SF3A3: variants seen among roughly 807,000 people sequenced by gnomAD.
SF3A3 encodes the protein splicing factor 3a subunit 3.
A neutral mutation model predicts 85.8 loss-of-function variants in SF3A3; 9 were observed. The observed-to-expected ratio is 0.10, with a 90% confidence interval of 0.06 to 0.18. The LOEUF (loss-of-function observed/expected upper bound fraction) is 0.18. SF3A3 is among the 10% of genes least tolerant of loss of function. SF3A3 has a pLI of 1.00. For synonymous variants in SF3A3, 195 were observed against 204.4 expected, an observed-to-expected ratio of 0.95 and a Z score of 0.39; for missense variants, 306 against 593.3, an observed-to-expected ratio of 0.52 and a Z score of 5.03.
intron 11 of SF3A3, among the ~76,000 whole-genome samples, chr1:37,977,677 A>G (rs1406507853): frequency 7.2e-5 from 11 of 152,032 alleles, no homozygotes; most frequent in African/African-American, 2.7e-4. Flanking sequence ...CGTCTCTACT[A>G]AAAATACAAA....
chr1:37,984,562 G>A (rs564232884), intron 5 of SF3A3, 145 bp downstream of exon 5: 2 of 671,298 alleles, frequency 3.0e-6, no homozygotes, highest in South Asian at 1.8e-5. Flanking sequence ...ACCAACTTAG[G>A]ATGTCACTCT....
intron 15 of SF3A3, among the ~76,000 whole-genome samples, chr1:37,964,441 CT>C (rs1646284703): frequency 6.6e-6 from 1 of 151,688 alleles, no homozygotes. Context: ...CCTGTCTCTA[CT>C]AAAAATACAA....
intron 9 of SF3A3, 78 bp downstream of exon 9, chr1:37,979,387 G>A (rs1216085777): frequency 2.8e-6 from 3 of 1,074,270 alleles, no homozygotes; most frequent in Non-Finnish European, 2.8e-6. Context: ...CACAACCATG[G>A]TATTAAAGAC....
intron 15 of SF3A3, among the ~76,000 whole-genome samples, chr1:37,963,847 C>T (rs1381097083): frequency 7.1e-6 from 1 of 141,020 alleles, no homozygotes; most frequent in Admixed American, 7.1e-5. Flanking sequence ...TGAGCCATTG[C>T]GCCTGGCCCT....
At chr1:37,965,302 CAA>C (rs55747818) in intron 15 of SF3A3, among the ~76,000 whole-genome samples, 1 of 100,426 alleles carries the variant, frequency 1.0e-5, no homozygotes, top group South Asian at 3.4e-4. Flanking sequence ...CCCATCGGCA[CAA>C]AAAAAAAAAA....
intron 15 of SF3A3, among the ~76,000 whole-genome samples, chr1:37,967,571 G>A (rs1013438668): frequency 4.8e-5 from 7 of 147,230 alleles, no homozygotes; most frequent in Non-Finnish European, 7.4e-5. Context: ...CCCAGCTACC[G>A]GGAGGCTGAG....
At chr1:37,963,424 T>C (rs1045438565) in intron 15 of SF3A3, among the ~76,000 whole-genome samples, 3 of 152,140 alleles carry the variant, frequency 2.0e-5, no homozygotes, top group Non-Finnish European at 1.5e-5. Context: ...GAAGCCATGA[T>C]GGGTAGAAAT....
At chr1:37,988,315 T>A (rs1439033910) in intron 2 of SF3A3, among the ~76,000 whole-genome samples, 2 of 152,192 alleles carry the variant, frequency 1.3e-5, no homozygotes, top group African/African-American at 4.8e-5. Flanking sequence ...AGGTACATAG[T>A]CCCTCCTCCA....
chr1:37,959,972 A>G (rs1336110094), intron 16 of SF3A3, 148 bp downstream of exon 16: 2 of 610,186 alleles, frequency 3.3e-6, no homozygotes, highest in Non-Finnish European at 5.7e-6. Context: ...AAAAAAAAAA[A>G]AAAAAAGGAA....
chr1:37,970,980 A>G (rs1646341256), intron 12 of SF3A3, among the ~76,000 whole-genome samples: 1 of 152,208 alleles, frequency 6.6e-6, no homozygotes, highest in African/African-American at 2.4e-5. Context: ...TTCAAAAGCT[A>G]GCAGAAGGCA....
chr1:37,967,726 G>T (rs1646312699), intron 15 of SF3A3, among the ~76,000 whole-genome samples: 1 of 144,434 alleles, frequency 6.9e-6, no homozygotes, highest in South Asian at 2.2e-4. Context: ...CAGGTGTGGT[G>T]GCACGTGCCT....
intron 9 of SF3A3, 42 bp from the exon 10 acceptor site, chr1:37,979,097 T>A: frequency 6.4e-7 from 1 of 1,564,298 alleles, no homozygotes; most frequent in South Asian, 1.1e-5. Flanking sequence ...CATTAACAGA[T>A]TTTTGGGAAA....
intron 16 of SF3A3, among the ~76,000 whole-genome samples, chr1:37,959,133 C>G (rs968793956): frequency 6.7e-6 from 1 of 149,472 alleles, no homozygotes; most frequent in Non-Finnish European, 1.5e-5. Context: ...GGCTGGAGTG[C>G]AATGGTGCGA....
chr1:37,964,313 G>T (rs1307401875), intron 15 of SF3A3, among the ~76,000 whole-genome samples: 1 of 151,930 alleles, frequency 6.6e-6, no homozygotes, highest in African/African-American at 2.4e-5. Flanking sequence ...AGGCGTTGTG[G>T]AAAGAGGAAA....
At chr1:37,987,870 C>T in intron 2 of SF3A3, 34 bp from the exon 3 acceptor site, 2 of 1,559,386 alleles carry the variant, frequency 1.3e-6, no homozygotes, top group Non-Finnish European at 1.8e-6. Flanking sequence ...CAGAATGATG[C>T]AATTTGCACA....
chr1:37,988,176 C>A (rs1314213788), intron 2 of SF3A3, among the ~76,000 whole-genome samples: 1 of 152,138 alleles, frequency 6.6e-6, no homozygotes, highest in African/African-American at 2.4e-5. Context: ...AACACTAGTT[C>A]CCACCTAACA....
At chr1:37,988,859 G>T (rs188150826) in intron 2 of SF3A3, among the ~76,000 whole-genome samples, 1,764 of 124,972 alleles carry the variant, frequency 0.014, 15 homozygotes, top group South Asian at 0.025. Flanking sequence ...GGGGTGTGTT[G>T]TGTGTGTGTG....
At chr1:37,984,143 C>T (rs955253824) in intron 6 of SF3A3, 26 bp downstream of exon 6, 2 of 1,341,404 alleles carry the variant, frequency 1.5e-6, no homozygotes, top group African/African-American at 1.4e-5. Context: ...AGAATCAGAA[C>T]CTCTCTGCCC....
intron 9 of SF3A3, 22 bp from the exon 10 acceptor site, chr1:37,979,077 T>C (rs7555461): frequency 0.43 from 686,025 of 1,599,796 alleles, 149,486 homozygotes; most frequent in East Asian, 0.62. Context: ...AGAGAAAAAT[T>C]ACAATATTAC....
Sources: gnomAD v4.1 joint callset for allele counts (sites outside exome capture counted in the v4.1 genomes callset) on GRCh38, gnomAD v4.1.1 for gene constraint, MANE v1.5 for transcripts, NCBI Gene and HGNC (gene_info 2026-07-23, HGNC 2026-07-21) for gene names.